The following EPB41 variants were observed in gnomAD, a reference collection of about 807,000 sequenced individuals.
EPB41 encodes the protein erythrocyte membrane protein band 4.1.
Under a neutral mutation model 108.0 loss-of-function variants are expected in EPB41, and 65 were observed. The ratio of observed to expected loss-of-function variants is 0.60; its 90% CI spans 0.49 to 0.74. The LOEUF (loss-of-function observed/expected upper bound fraction) is 0.74. EPB41 is among the 30% of genes least tolerant of loss of function. The pLI is 0.00. For missense variants in EPB41, 875 were observed against 1,037.0 expected (o/e 0.84, Z 2.15); for synonymous variants, 336 against 358.9 (o/e 0.94, Z 0.72).
intron 1 of EPB41, chr1:28,982,367 G>A (rs2095773030): frequency 1.4e-6 from 1 of 706,000 alleles, no homozygotes; most frequent in African/African-American, 1.8e-5. Context: ...CGGGCTTTGG[G>A]CATTAGGTGA....
chr1:28,972,899 G>C (rs368284953), intron 1 of EPB41, among the ~76,000 whole-genome samples: 9 of 152,032 alleles, frequency 5.9e-5, no homozygotes, highest in African/African-American at 2.2e-4. Context: ...CCACTGCAAG[G>C]CTTCATAAAG....
chr1:28,997,969 CATAAAT>C (rs1187067094), intron 4 of EPB41, among the ~76,000 whole-genome samples: 1 of 152,114 alleles, frequency 6.6e-6, no homozygotes, highest in African/African-American at 2.4e-5. Flanking sequence ...AAATATTTAA[CATAAAT>C]ATAATGATGA....
At chr1:28,941,244 G>A (rs2094271787) in intron 1 of EPB41, among the ~76,000 whole-genome samples, 1 of 151,948 alleles carries the variant, frequency 6.6e-6, no homozygotes, top group Non-Finnish European at 1.5e-5. Flanking sequence ...ACTAGGTATG[G>A]TAGTGCTTGC....
At chr1:28,946,387 G>A (rs1327722625) in intron 1 of EPB41, among the ~76,000 whole-genome samples, 2 of 152,098 alleles carry the variant, frequency 1.3e-5, no homozygotes, top group African/African-American at 4.8e-5. Context: ...GATTACAGGC[G>A]TGAGCCACTG....
At chr1:28,942,227 A>G (rs1185136477) in intron 1 of EPB41, among the ~76,000 whole-genome samples, 1 of 152,326 alleles carries the variant, frequency 6.6e-6, no homozygotes, top group East Asian at 1.9e-4. Context: ...TGGGTGTCCT[A>G]TATAATTCAC....
chr1:28,937,612 C>T (rs1194398760), intron 1 of EPB41, among the ~76,000 whole-genome samples: 3 of 152,310 alleles, frequency 2.0e-5, no homozygotes, highest in East Asian at 3.9e-4. Flanking sequence ...CCAGGCTGGT[C>T]TTTAACTCCT....
chr1:29,017,281 A>C (rs929280973), intron 6 of EPB41, among the ~76,000 whole-genome samples: 10 of 152,218 alleles, frequency 6.6e-5, no homozygotes, highest in African/African-American at 1.7e-4. Flanking sequence ...TTATAGCAAA[A>C]TGTTATTTAA....
At position 29,092,257 on chromosome 1, in the gene EPB41, C is replaced by T. The variant is rs528249767; in HGVS notation, c.2185-5550C>T. ...GGATTACAGGCATGCGCCACCACGC[C>T]TGGCTAATTTTGTATTTTTAGTAGA... On this transcript the variant is annotated intron_variant, in intron 16 of 20. Coordinates refer to ENST00000343067, the MANE Select transcript of EPB41 (RefSeq NM_001376013.1). 3.1e-3 allele frequency among the ~76,000 whole-genome samples: 475 copies of T among 152,202 alleles called. 2 individuals are homozygous for T. Among genetic ancestry groups the T allele is most frequent in the African/African-American group, 0.011 (460 of 41,528 alleles).
chr1:29,038,640 C>A (rs897706639), intron 10 of EPB41, among the ~76,000 whole-genome samples: 21 of 152,280 alleles, frequency 1.4e-4, no homozygotes, highest in African/African-American at 4.8e-4. Flanking sequence ...GGTCTTTGTT[C>A]TTTACTCCTA....
chr1:28,998,922 C>T (rs1481304015), intron 4 of EPB41, among the ~76,000 whole-genome samples: 1 of 152,172 alleles, frequency 6.6e-6, no homozygotes, highest in East Asian at 1.9e-4. Context: ...TAAATATATA[C>T]AACTATAATT....
At chr1:29,058,453 A>G (rs140940490) in intron 12 of EPB41, 136 bp from the exon 13 acceptor site, 15 of 794,958 alleles carry the variant, frequency 1.9e-5, no homozygotes, top group African/African-American at 1.4e-4. Flanking sequence ...AACACCCTCC[A>G]TAAGACTGCA....
intron 1 of EPB41, among the ~76,000 whole-genome samples, chr1:28,971,897 C>T (rs1458501602): frequency 1.3e-5 from 2 of 151,984 alleles, no homozygotes; most frequent in Admixed American, 1.3e-4. Context: ...AAATAATACA[C>T]TTTGACACTT....
chr1:29,052,126 A>G (rs886277275), intron 11 of EPB41, among the ~76,000 whole-genome samples: 1 of 152,200 alleles, frequency 6.6e-6, no homozygotes, highest in South Asian at 2.1e-4. Context: ...AATATTCCAA[A>G]ACAACAATTG....
chr1:28,938,348 C>T (rs1004348720), intron 1 of EPB41, among the ~76,000 whole-genome samples: 5 of 151,982 alleles, frequency 3.3e-5, no homozygotes, highest in East Asian at 3.9e-4. Context: ...GGATTTTTTC[C>T]GCTTATTTAG....
Position 29,119,345 on chromosome 1 carries a change from TGAG to T in EPB41, c.*2538_*2540del, listed in dbSNP as rs1339292627. On this transcript the variant is annotated 3_prime_UTR_variant, in exon 21 of 21. Transcript: ENST00000343067. ...ACAGACTCTGTCCAGGTAGAAATGG[TGAG>T]GAGGGGGAAGAGAATTACATTTCCA... 1.3e-5 allele frequency: 2 copies of T among 152,492 alleles called. No homozygotes were observed. Among genetic ancestry groups the T allele is most frequent in the East Asian group, 3.9e-4 (2 of 5,186 alleles). 9.4% of individuals were successfully genotyped at this position (152,492 alleles called of 1,614,324 possible).
At chr1:29,108,388 T>C (rs562323093) in intron 17 of EPB41, among the ~76,000 whole-genome samples, 1 of 151,838 alleles carries the variant, frequency 6.6e-6, no homozygotes, top group Non-Finnish European at 1.5e-5. Flanking sequence ...CCTCAGGTGA[T>C]CTGCCCCCCT....
chr1:29,097,400 C>G lies in EPB41; in HGVS notation c.2185-407C>G, dbSNP rs542892438. The stretch of plus-strand genomic sequence containing the variant: ...CCATTGCCACTGCTGTTTCATGTAC[C>G]ATTCGTACTTAGTGGAGGAAATGTG... On this transcript the variant is annotated intron_variant, in intron 16 of 20. Transcript: ENST00000343067. 460 of 268,500 alleles carry G rather than the reference C, an allele frequency of 1.7e-3. 1 individual carries two copies. Among genetic ancestry groups the G allele is most frequent in the Non-Finnish European group, 2.5e-3 (348 of 137,188 alleles). 16.6% of individuals were successfully genotyped at this position (268,500 alleles called of 1,614,324 possible).
chr1:29,045,879 G>A (rs1643035734), intron 11 of EPB41, among the ~76,000 whole-genome samples: 1 of 151,084 alleles, frequency 6.6e-6, no homozygotes, highest in Non-Finnish European at 1.5e-5. Context: ...GGAAGGCTGA[G>A]GCAGGAGGAT....
At chr1:28,979,771 C>G (rs1328499799) in intron 1 of EPB41, among the ~76,000 whole-genome samples, 2 of 150,870 alleles carry the variant, frequency 1.3e-5, no homozygotes, top group Non-Finnish European at 2.9e-5. Context: ...TCTGAAAATT[C>G]TAGAACTAAT....
Sources: gnomAD v4.1 joint callset for allele counts (sites outside exome capture counted in the v4.1 genomes callset) on GRCh38, gnomAD v4.1.1 for gene constraint, MANE v1.5 for transcripts, NCBI Gene and HGNC (gene_info 2026-07-23, HGNC 2026-07-21) for gene names.